The following THSD4 variants were observed in gnomAD, a reference collection of about 807,000 sequenced individuals.
The protein encoded by THSD4 is thrombospondin type 1 domain containing 4.
A neutral mutation model predicts 119.0 loss-of-function variants in THSD4; 69 were observed. That is an observed-to-expected ratio of 0.58 (90% confidence interval 0.48 to 0.71). The LOEUF is 0.71. THSD4 is among the 30% of genes least tolerant of loss of function. The pLI, the probability that THSD4 is intolerant of heterozygous loss-of-function variation, is 0.00. For synonymous variants in THSD4, 524 were observed against 540.4 expected (o/e 0.97, Z 0.42); for missense variants, 1,393 against 1,391.1 (o/e 1.00, Z -0.02).
chr15:71,548,938 T>C (rs1242889717), intron 7 of THSD4, among the ~76,000 whole-genome samples: 1 of 152,164 alleles, frequency 6.6e-6, no homozygotes, highest in Non-Finnish European at 1.5e-5. Flanking sequence ...GGTGTGCCAA[T>C]TATTCTTATT....
chr15:71,324,368 G>A (rs1417831894), intron 6 of THSD4, among the ~76,000 whole-genome samples: 1 of 152,120 alleles, frequency 6.6e-6, no homozygotes, highest in Admixed American at 6.5e-5. Context: ...CAGATGAATT[G>A]TAGAGTGGTG....
chr15:71,439,201 G>A (rs370878694), intron 7 of THSD4, among the ~76,000 whole-genome samples: 2 of 152,068 alleles, frequency 1.3e-5, no homozygotes, highest in African/African-American at 2.4e-5. Flanking sequence ...GTAAATAGGC[G>A]GTATCTTTCA....
At chr15:71,185,320 T>C (rs2043588051) in intron 3 of THSD4, 1 of 151,810 alleles carries the variant, frequency 6.6e-6, no homozygotes, top group African/African-American at 2.4e-5. Context: ...TGTTGGCCAT[T>C]GGAAAGTGTG....
chr15:71,520,488 A>C (rs1270023036), intron 7 of THSD4, among the ~76,000 whole-genome samples: 1 of 152,220 alleles, frequency 6.6e-6, no homozygotes, highest in East Asian at 1.9e-4. Flanking sequence ...TGGGGCAAGA[A>C]GAGTTTCGTC....
At chr15:71,522,016 G>A (rs898392865) in intron 7 of THSD4, among the ~76,000 whole-genome samples, 3 of 152,258 alleles carry the variant, frequency 2.0e-5, no homozygotes, top group South Asian at 2.1e-4. Context: ...CTAATGTCTT[G>A]AATGTACTAA....
At chr15:71,448,548 T>C (rs2140575361) in intron 7 of THSD4, among the ~76,000 whole-genome samples, 1 of 152,342 alleles carries the variant, frequency 6.6e-6, no homozygotes, top group South Asian at 2.1e-4. Context: ...TTCTTTTAAA[T>C]TTAAATTTAA....
rs779375516 is a variant in THSD4, at chr15:71,459,362, CTG to C, written c.1152+47541_1152+47542del. Among the ~76,000 whole-genome samples, 12 of 117,952 alleles carry C rather than the reference CTG, an allele frequency of 1.0e-4. No homozygotes were observed. In the South Asian group the frequency reaches 1.4e-3, roughly 14 times the overall value. 77.4% of individuals were successfully genotyped at this position (117,952 alleles called of 152,430 possible). A position where few individuals can be genotyped will look rare whatever the true frequency, so the allele number is the denominator to read the frequency against. ...TGTCTCTCTGTCTCTCTCTCTCTCT[CTG>C]TCTCTCTGTCTCTCTGTCTCTCTCT... On this transcript the variant is annotated intron_variant, in intron 7 of 17. Transcript: ENST00000261862.
At chr15:71,349,778 G>A (rs2140403467) in intron 6 of THSD4, among the ~76,000 whole-genome samples, 1 of 152,286 alleles carries the variant, frequency 6.6e-6, no homozygotes, top group South Asian at 2.1e-4. Flanking sequence ...TTAGGTTTGA[G>A]TTTGGGATGG....
chr15:71,745,008 CCT>C (rs2053306968), intron 11 of THSD4, 96 bp from the exon 12 acceptor site: 1 of 1,470,528 alleles, frequency 6.8e-7, no homozygotes, highest in African/African-American at 1.4e-5. Flanking sequence ...GTTTCTGTGC[CCT>C]CTCTTCATCA....
chr15:71,252,528 C>T (rs2044270873), intron 5 of THSD4, among the ~76,000 whole-genome samples: 1 of 152,240 alleles, frequency 6.6e-6, no homozygotes, highest in Admixed American at 6.5e-5. Context: ...GGGGCTGATT[C>T]CGGCTTTGGC....
intron 7 of THSD4, among the ~76,000 whole-genome samples, chr15:71,433,348 A>G (rs1209197339): frequency 6.6e-6 from 1 of 151,412 alleles, no homozygotes; most frequent in Admixed American, 6.6e-5. Context: ...ACATTTGTCT[A>G]TAAATGTTTA....
intron 4 of THSD4, among the ~76,000 whole-genome samples, chr15:71,228,297 T>C (rs1177788465): frequency 6.6e-6 from 1 of 151,930 alleles, no homozygotes; most frequent in African/African-American, 2.4e-5. Context: ...TGGAGTGATA[T>C]AGCCACAGCC....
intron 3 of THSD4, among the ~76,000 whole-genome samples, chr15:71,199,485 T>G (rs62016843): frequency 5.0e-4 from 30 of 59,682 alleles, no homozygotes; most frequent in South Asian, 1.0e-3. Flanking sequence ...TGTGTGTGTG[T>G]GGGGTGTGTG....
intron 6 of THSD4, among the ~76,000 whole-genome samples, chr15:71,311,523 C>T (rs1596329647): frequency 6.6e-6 from 1 of 152,188 alleles, no homozygotes. Flanking sequence ...GTGCTCCCTG[C>T]CCCTCTTTGT....
chr15:71,749,697 T>TTTTA (rs71131703), intron 14 of THSD4, among the ~76,000 whole-genome samples: 30,056 of 137,438 alleles, frequency 0.22, 4,089 homozygotes, highest in African/African-American at 0.24. Flanking sequence ...ATTTTTAAAT[T>TTTTA]TTTATTTATT....
chr15:71,744,216 C>T (rs148845106), intron 11 of THSD4, among the ~76,000 whole-genome samples: 345 of 130,160 alleles, frequency 2.7e-3, no homozygotes, highest in Non-Finnish European at 3.1e-3. Context: ...GGCTTTTTAT[C>T]GAAAATAGAT....
At chr15:71,649,850 G>A (rs1362623406) in intron 7 of THSD4, among the ~76,000 whole-genome samples, 1 of 152,120 alleles carries the variant, frequency 6.6e-6, no homozygotes, top group African/African-American at 2.4e-5. Flanking sequence ...AACATTTATT[G>A]ACTAGGGAGT....
chr15:71,193,831 C>A (rs2043695517), intron 3 of THSD4, among the ~76,000 whole-genome samples: 1 of 152,188 alleles, frequency 6.6e-6, no homozygotes, highest in Non-Finnish European at 1.5e-5. Flanking sequence ...CCTCAGCCTC[C>A]CTAGTCCCCC....
At chr15:71,596,751 C>G (rs911346641) in intron 7 of THSD4, among the ~76,000 whole-genome samples, 30 of 152,204 alleles carry the variant, frequency 2.0e-4, no homozygotes, top group Non-Finnish European at 2.6e-4. Flanking sequence ...GGGTTAGAAT[C>G]CTGCGGGCCT....
Sources: allele counts gnomAD v4.1 joint callset (sites outside exome capture counted in the v4.1 genomes callset), GRCh38; gene constraint gnomAD v4.1.1; transcripts MANE v1.5; gene names NCBI Gene and HGNC (gene_info 2026-07-23, HGNC 2026-07-21).